The following CACNA1C variants were observed in gnomAD, a reference collection of about 807,000 sequenced individuals.
CACNA1C encodes calcium voltage-gated channel subunit alpha1 C, also known as voltage-dependent L-type calcium channel subunit alpha-1C.
A neutral mutation model predicts 229.0 loss-of-function variants in CACNA1C; 30 were observed. The ratio of observed to expected loss-of-function variants is 0.13; its 90% confidence interval spans 0.10 to 0.18. CACNA1C has a LOEUF of 0.18. Among genes scored for constraint, CACNA1C ranks in the 10% least tolerant of loss-of-function variants. CACNA1C has a pLI of 1.00. For missense variants in CACNA1C, 1,658 were observed against 2,845.0 expected, an observed-to-expected ratio of 0.58 and a Z score of 9.49; for synonymous variants, 1,114 against 1,132.5, an observed-to-expected ratio of 0.98 and a Z score of 0.33.
chr12:2,376,620 TAGGC>T (rs2098078403), intron 3 of CACNA1C, among the ~76,000 whole-genome samples: 1 of 152,108 alleles, frequency 6.6e-6, no homozygotes, highest in Non-Finnish European at 1.5e-5. Flanking sequence ...CTTTCTGTAA[TAGGC>T]TAGGGGGCTG....
chr12:2,349,173 A>G (rs181981927), intron 3 of CACNA1C, among the ~76,000 whole-genome samples: 9 of 152,194 alleles, frequency 5.9e-5, no homozygotes. Context: ...GGTCTGCTCT[A>G]ATAGCATGTT....
At chr12:2,564,929 A>T (rs2049515857) in intron 11 of CACNA1C, among the ~76,000 whole-genome samples, 1 of 152,072 alleles carries the variant, frequency 6.6e-6, no homozygotes, top group South Asian at 2.1e-4. Context: ...CCAAGCCCTC[A>T]GCATGGCCCC....
chr12:2,478,175 T>A (rs2099640664), intron 5 of CACNA1C, among the ~76,000 whole-genome samples: 1 of 152,152 alleles, frequency 6.6e-6, no homozygotes, highest in Non-Finnish European at 1.5e-5. Flanking sequence ...ACTGTTTTCA[T>A]ATTTTCCTAG....
chr12:2,347,091 G>T (rs745476342), intron 3 of CACNA1C, among the ~76,000 whole-genome samples: 1 of 152,112 alleles, frequency 6.6e-6, no homozygotes, highest in Non-Finnish European at 1.5e-5. Context: ...ATAATTCTTT[G>T]CTCCCCTATG....
At chr12:2,475,277 C>A (rs1300079576) in intron 5 of CACNA1C, among the ~76,000 whole-genome samples, 1 of 150,388 alleles carries the variant, frequency 6.6e-6, no homozygotes, top group Non-Finnish European at 1.5e-5. Flanking sequence ...CCAGCCTGGG[C>A]AACAGAGTGA....
At chr12:2,643,946 T>C (rs1409885708) in intron 30 of CACNA1C, among the ~76,000 whole-genome samples, 1 of 151,980 alleles carries the variant, frequency 6.6e-6, no homozygotes, top group Non-Finnish European at 1.5e-5. Flanking sequence ...GCAGGTCAAA[T>C]TGAGATTGGA....
At position 2,566,423 on chromosome 12, in the gene CACNA1C, C is replaced by A. The variant is rs370634418; in HGVS notation, c.1510C>A (p.Arg504Ser). Residue 504 changes from arginine (R) to serine (S), a missense_variant and splice_region_variant, in exon 12 of 47, where the codon CGC becomes AGC. By Grantham distance (110) the Arg-to-Ser change is moderately radical. Coordinates refer to ENST00000399655, the MANE Select transcript of CACNA1C (RefSeq NM_000719.7). This position sits in a 1 kb window ranked among gnomAD's most constrained non-coding sequence, Gnocchi z 4.0. ...CTTCTCTCCCTGTCCCCTTTCCAGCCGCTACTGGCGCCGGTGGAATCGGTT... is the reference window on the plus strand; with the variant it reads ...CTTCTCTCCCTGTCCCCTTTCCAGCAGCTACTGGCGCCGGTGGAATCGGTT... ...AHRISKSKFS[R>S]YWRRWNRFCR... is the part of the protein sequence containing the mutation. The A allele has an allele frequency of 6.3e-7, 1 of 1,589,278 alleles. No homozygotes were observed. The highest frequency in any genetic ancestry group is 8.6e-7 in the Non-Finnish European group (1 of 1,167,340).
intron 1 of CACNA1C, among the ~76,000 whole-genome samples, chr12:2,079,297 A>G (rs10848609): frequency 0.78 from 118,889 of 152,086 alleles, 46,920 homozygotes; most frequent in Middle Eastern, 0.85. Flanking sequence ...AAAAAAAAAT[A>G]GTTAAGATGG....
At chr12:2,645,900 T>C (rs1392127061) in intron 30 of CACNA1C, among the ~76,000 whole-genome samples, 1 of 152,198 alleles carries the variant, frequency 6.6e-6, no homozygotes, top group African/African-American at 2.4e-5. Context: ...GTCTCTAGAT[T>C]CTTCCAAAGT....
intron 3 of CACNA1C, among the ~76,000 whole-genome samples, chr12:2,322,870 C>A (rs1259526548): frequency 1.3e-5 from 2 of 152,164 alleles, no homozygotes; most frequent in East Asian, 3.9e-4. Context: ...AGCGCTTGGT[C>A]CATAGCAAGC....
chr12:2,151,505 A>T (rs1366135302), intron 3 of CACNA1C, among the ~76,000 whole-genome samples: 1 of 152,210 alleles, frequency 6.6e-6, no homozygotes, highest in Non-Finnish European at 1.5e-5. Flanking sequence ...AACTCTGCAC[A>T]GAAGACTCAC....
At chr12:2,477,044 C>T (rs960601815) in intron 5 of CACNA1C, among the ~76,000 whole-genome samples, 1 of 152,192 alleles carries the variant, frequency 6.6e-6, no homozygotes, top group African/African-American at 2.4e-5. Context: ...TAGTTCTAGA[C>T]CTATTTTCTT....
intron 3 of CACNA1C, among the ~76,000 whole-genome samples, chr12:2,141,884 T>C (rs1480989614): frequency 6.6e-6 from 1 of 151,260 alleles, no homozygotes; most frequent in African/African-American, 2.4e-5. Flanking sequence ...TGACCAGCCC[T>C]GTGTAAGCCA....
At position 2,512,565 on chromosome 12, in the gene CACNA1C, C is replaced by T. The variant is rs1284242151; in HGVS notation, c.1218-247C>T. Among the ~76,000 whole-genome samples, 1 of 152,126 alleles carries T rather than the reference C, an allele frequency of 6.6e-6. No homozygotes were observed. Among genetic ancestry groups the T allele is most frequent in the African/African-American group, 2.4e-5 (1 of 41,410 alleles). ...GATGGACTTCATCCATCCCCTTAAGCCTCTCCTGGCCAGTGTCAGGAATGT... is the reference window on the plus strand; with the variant it reads ...GATGGACTTCATCCATCCCCTTAAGTCTCTCCTGGCCAGTGTCAGGAATGT... On this transcript the variant is annotated intron_variant, in intron 8 of 46. Coordinates refer to ENST00000399655, the MANE Select transcript of CACNA1C (RefSeq NM_000719.7). This position sits in a 1 kb window ranked among gnomAD's most constrained non-coding sequence, Gnocchi z 4.3.
intron 3 of CACNA1C, among the ~76,000 whole-genome samples, chr12:2,366,834 G>A (rs1222511876): frequency 2.6e-5 from 4 of 152,256 alleles, no homozygotes; most frequent in South Asian, 4.2e-4. Context: ...TACAATCATG[G>A]CAGAAGGCAA....
rs796615339 is a variant in CACNA1C, at chr12:2,226,141, A to G, written c.477+105711A>G. On this transcript the variant is annotated intron_variant, in intron 3 of 46. Coordinates refer to ENST00000399655, the MANE Select transcript of CACNA1C (RefSeq NM_000719.7). ...TGGGGACGCGCACACACACACACAC[A>G]CACACACACACACACACACACACAC... Among the ~76,000 whole-genome samples, 15 of 146,874 alleles carry G rather than the reference A, an allele frequency of 1.0e-4. No homozygotes were observed. The South Asian group carries it at 1.5e-3, about 15-fold the overall frequency.
intron 18 of CACNA1C, among the ~76,000 whole-genome samples, chr12:2,590,685 G>A (rs554177025): frequency 6.6e-6 from 1 of 152,186 alleles, no homozygotes; most frequent in Non-Finnish European, 1.5e-5. Flanking sequence ...TCATAAACGG[G>A]GGGGAGCTCG....
Position 2,132,238 on chromosome 12 carries a change from T to A in CACNA1C, c.477+11808T>A, listed in dbSNP as rs1198051399. On this transcript the variant is annotated intron_variant, in intron 3 of 46. Coordinates refer to ENST00000399655, the MANE Select transcript of CACNA1C (RefSeq NM_000719.7). ...ATGGGGTTTTGTAGATATACAATCA[T>A]GTCATCTGCAAACAGGGACAATTTG... Among the ~76,000 whole-genome samples, 5 of 142,474 alleles carry A rather than the reference T, an allele frequency of 3.5e-5. No homozygotes were observed. In the East Asian group the frequency reaches 1.0e-3, roughly 28 times the overall value. 93.5% of individuals were successfully genotyped at this position (142,474 alleles called of 152,430 possible). A position where few individuals can be genotyped will look rare whatever the true frequency, so the allele number is the denominator to read the frequency against.
intron 3 of CACNA1C, among the ~76,000 whole-genome samples, chr12:2,125,966 C>G (rs752556000): frequency 2.6e-5 from 4 of 152,262 alleles, no homozygotes; most frequent in Non-Finnish European, 5.9e-5. Context: ...CACACACTTG[C>G]AAATTCACAT....
Sources: gnomAD v4.1 joint callset for allele counts (sites outside exome capture counted in the v4.1 genomes callset) on GRCh38, gnomAD v4.1.1 for gene constraint, Gnocchi (gnomAD v3.1) non-coding constraint, MANE v1.5 for transcripts, NCBI Gene and HGNC (gene_info 2026-07-23, HGNC 2026-07-21) for gene names.